MAGI2: variants seen among roughly 807,000 people sequenced by gnomAD.
The protein encoded by MAGI2 is membrane-associated guanylate kinase, WW and PDZ domain-containing protein 2.
Under a neutral mutation model 133.3 loss-of-function variants are expected in MAGI2, and 35 were observed. The observed-to-expected ratio is 0.26, with a 90% CI of 0.20 to 0.35. MAGI2 has a LOEUF of 0.35. MAGI2 is among the 10% of genes least tolerant of loss of function. The pLI, the probability that MAGI2 is intolerant of heterozygous loss-of-function variation, is 1.00. For missense variants in MAGI2, 1,636 were observed against 1,863.4 expected (o/e 0.88, Z 2.25); for synonymous variants, 729 against 710.6 (o/e 1.03, Z -0.41).
intron 1 of MAGI2, among the ~76,000 whole-genome samples, chr7:79,024,083 A>G (rs1392675062): frequency 1.3e-5 from 2 of 152,180 alleles, no homozygotes; most frequent in Non-Finnish European, 2.9e-5. Flanking sequence ...ATTTCAAACT[A>G]TACTACAAGG....
chr7:78,636,146 A>C lies in MAGI2; in HGVS notation c.419-8907T>G, dbSNP rs1173004956. Among the ~76,000 whole-genome samples, 4 of 152,196 alleles carry C rather than the reference A, an allele frequency of 2.6e-5. No homozygotes were observed. In the East Asian group the frequency reaches 7.7e-4, roughly 29 times the overall value. ...TTATTAATAGCCTCAATAAAACACT[A>C]TGCACATTTTATAAAATATTGAAGA... is the stretch of plus-strand genomic sequence containing the variant. On this transcript the variant is annotated intron_variant, in intron 2 of 21. Coordinates refer to ENST00000354212, the MANE Select transcript of MAGI2 (RefSeq NM_012301.4).
chr7:79,197,820 G>C (rs10255385), intron 1 of MAGI2, among the ~76,000 whole-genome samples: 1,878 of 152,036 alleles, frequency 0.012, 53 homozygotes, highest in African/African-American at 0.044. Context: ...GGTAAAAAGG[G>C]ATGAACCTGC....
chr7:78,802,043 C>T lies in MAGI2; in HGVS notation c.419-174804G>A, dbSNP rs373963647. 8.5e-5 allele frequency among the ~76,000 whole-genome samples: 13 copies of T among 152,260 alleles called. 2 individuals are homozygous for T. Among genetic ancestry groups the T allele is most frequent in the East Asian group, 5.8e-4 (3 of 5,186 alleles). On this transcript the variant is annotated intron_variant, in intron 2 of 21. Transcript: ENST00000354212. Reference sequence around the variant, plus strand: ...AATCCATTATCAAGAGTTTTCTGTTCTTCCAGATCAAGGGCTTTCCTTTCT... The same window carrying T: ...AATCCATTATCAAGAGTTTTCTGTTTTTCCAGATCAAGGGCTTTCCTTTCT...
chr7:78,143,705 C>T (rs759944042), intron 16 of MAGI2, among the ~76,000 whole-genome samples: 10 of 152,058 alleles, frequency 6.6e-5, no homozygotes, highest in African/African-American at 1.4e-4. Flanking sequence ...TTTAAAAAAT[C>T]GTATGTCATT....
At chr7:78,871,567 A>T (rs1795031272) in intron 2 of MAGI2, among the ~76,000 whole-genome samples, 1 of 151,744 alleles carries the variant, frequency 6.6e-6, no homozygotes, top group Non-Finnish European at 1.5e-5. Context: ...TCTGTGAACA[A>T]AAAAAAGAGA....
chr7:78,096,554 G>T (rs1012005690), intron 20 of MAGI2, among the ~76,000 whole-genome samples: 1 of 152,136 alleles, frequency 6.6e-6, no homozygotes, highest in East Asian at 1.9e-4. Context: ...GTTAACATTG[G>T]AATTAATGTA....
intron 3 of MAGI2, among the ~76,000 whole-genome samples, chr7:78,585,603 T>C (rs1458236476): frequency 6.6e-6 from 1 of 152,160 alleles, no homozygotes; most frequent in Non-Finnish European, 1.5e-5. Flanking sequence ...GAAGGGTGGC[T>C]GGTGGCTGGT....
intron 2 of MAGI2, among the ~76,000 whole-genome samples, chr7:78,767,698 A>T (rs1825168414): frequency 6.6e-6 from 1 of 152,160 alleles, no homozygotes; most frequent in Non-Finnish European, 1.5e-5. Flanking sequence ...TTTCAAGAAG[A>T]ATTCAGTTAG....
intron 9 of MAGI2, among the ~76,000 whole-genome samples, chr7:78,280,852 A>AT (rs1246514062): frequency 2.1e-4 from 19 of 91,548 alleles, no homozygotes; most frequent in Non-Finnish European, 2.6e-4. Context: ...TGATGGGTAT[A>AT]CAAAAAAAAA....
intron 3 of MAGI2, among the ~76,000 whole-genome samples, chr7:78,579,076 C>T (rs1028384548): frequency 1.3e-5 from 2 of 152,132 alleles, no homozygotes; most frequent in African/African-American, 4.8e-5. Flanking sequence ...CAGGTACAGC[C>T]ACAATCACAT....
chr7:79,104,031 G>A (rs189195736), intron 1 of MAGI2, among the ~76,000 whole-genome samples: 1 of 152,194 alleles, frequency 6.6e-6, no homozygotes, highest in Admixed American at 6.5e-5. Flanking sequence ...TGGCTACATG[G>A]TTGTATTCAC....
At chr7:78,047,947 A>G (rs141019772) in intron 21 of MAGI2, among the ~76,000 whole-genome samples, 97 of 152,326 alleles carry the variant, frequency 6.4e-4, no homozygotes, top group Middle Eastern at 3.4e-3. Context: ...CTCCTTGATA[A>G]GCTCACAGAG....
chr7:79,043,693 T>C (rs545415959), intron 1 of MAGI2, among the ~76,000 whole-genome samples: 252 of 149,554 alleles, frequency 1.7e-3, no homozygotes, highest in African/African-American at 5.6e-3. Context: ...ATAAACACAA[T>C]CAGAAATGAT....
intron 9 of MAGI2, among the ~76,000 whole-genome samples, chr7:78,335,065 C>G (rs1172562649): frequency 6.6e-6 from 1 of 152,176 alleles, no homozygotes; most frequent in African/African-American, 2.4e-5. Flanking sequence ...GCTGCTTTCA[C>G]GATAGCAGAG....
intron 1 of MAGI2, among the ~76,000 whole-genome samples, chr7:79,347,688 G>C (rs1841423873): frequency 6.6e-6 from 1 of 151,768 alleles, no homozygotes; most frequent in Non-Finnish European, 1.5e-5. Context: ...ATCATACTAA[G>C]AAGATTCCTT....
intron 2 of MAGI2, among the ~76,000 whole-genome samples, chr7:78,681,098 A>T (rs1023968756): frequency 5.3e-5 from 8 of 151,906 alleles, no homozygotes; most frequent in African/African-American, 1.9e-4. Context: ...TCACCCTCAG[A>T]CTCCCCCGAC....
At chr7:78,101,176 A>AT (rs1818180670) in intron 20 of MAGI2, among the ~76,000 whole-genome samples, 2 of 152,214 alleles carry the variant, frequency 1.3e-5, no homozygotes, top group Admixed American at 1.3e-4. Flanking sequence ...TTCCAATGGC[A>AT]TTTTTCACAA....
intron 1 of MAGI2, among the ~76,000 whole-genome samples, chr7:79,168,119 T>G (rs1825125287): frequency 6.6e-6 from 1 of 152,094 alleles, no homozygotes; most frequent in Non-Finnish European, 1.5e-5. Flanking sequence ...ATGACTGGCT[T>G]GTTAATAAAT....
rs181858923 is a variant in MAGI2 at position 78,983,373 on chromosome 7, A to T, written c.418+23717T>A. ...CTGTTCTAAATAAGACTCATGTCATATTTTTTTTAAGAGTGGGGCTCTTTA... is the reference window on the plus strand; with the variant it reads ...CTGTTCTAAATAAGACTCATGTCATTTTTTTTTTAAGAGTGGGGCTCTTTA... On this transcript the variant is annotated intron_variant, in intron 2 of 21. Coordinates refer to ENST00000354212, the MANE Select transcript of MAGI2 (RefSeq NM_012301.4). Among the ~76,000 whole-genome samples the T allele has an allele frequency of 5.3e-5, 8 of 151,904 alleles. No homozygotes were observed. In the East Asian group the frequency reaches 1.6e-3, roughly 30 times the overall value.
Sources: allele counts gnomAD v4.1 joint callset (sites outside exome capture counted in the v4.1 genomes callset), GRCh38; gene constraint gnomAD v4.1.1; transcripts MANE v1.5; gene names NCBI Gene and HGNC (gene_info 2026-07-23, HGNC 2026-07-21).